SRBD1: variants seen among roughly 807,000 people sequenced by gnomAD.
The protein encoded by SRBD1 is S1 RNA-binding domain-containing protein 1.
Under a neutral mutation model 115.3 loss-of-function variants are expected in SRBD1, and 88 were observed. The ratio of observed to expected loss-of-function variants is 0.76; its 90% confidence interval spans 0.64 to 0.91. SRBD1 has a LOEUF of 0.91. Ranked by LOEUF, SRBD1 falls within the 40% of genes least tolerant of loss-of-function variation. The pLI is 0.00. For missense variants in SRBD1, 1,385 were observed against 1,177.4 expected, an observed-to-expected ratio of 1.18 and a Z score of -2.58; for synonymous variants, 509 against 407.7, an observed-to-expected ratio of 1.25 and a Z score of -2.99.
chr2:45,564,387 C>G (rs931344308), intron 9 of SRBD1, among the ~76,000 whole-genome samples: 2 of 152,158 alleles, frequency 1.3e-5, no homozygotes, highest in Non-Finnish European at 2.9e-5. Flanking sequence ...TGTCCACTCT[C>G]ACAACATTGT....
chr2:45,482,974 G>T (rs1362189891), intron 15 of SRBD1, among the ~76,000 whole-genome samples: 1 of 151,966 alleles, frequency 6.6e-6, no homozygotes, highest in Non-Finnish European at 1.5e-5. Flanking sequence ...TTGCTGTGTT[G>T]TTTTTTAAAA....
intron 19 of SRBD1, among the ~76,000 whole-genome samples, chr2:45,395,487 G>A (rs1337455499): frequency 6.6e-6 from 1 of 152,152 alleles, no homozygotes; most frequent in Non-Finnish European, 1.5e-5. Flanking sequence ...TGTTTAACCT[G>A]GGTGCGTATT....
intron 5 of SRBD1, among the ~76,000 whole-genome samples, chr2:45,583,152 G>A (rs537250208): frequency 6.6e-6 from 1 of 151,588 alleles, no homozygotes; most frequent in African/African-American, 2.4e-5. Flanking sequence ...AAAAGTTAGA[G>A]ATGATAATAT....
At chr2:45,610,480 A>G (rs760112047) in intron 1 of SRBD1, among the ~76,000 whole-genome samples, 4 of 152,228 alleles carry the variant, frequency 2.6e-5, no homozygotes, top group Middle Eastern at 6.3e-3. Context: ...GAGGTGAAAC[A>G]GTTTACTCAA....
chr2:45,465,893 TCAA>T (rs2103787704), intron 16 of SRBD1, among the ~76,000 whole-genome samples: 1 of 152,322 alleles, frequency 6.6e-6, no homozygotes, highest in African/African-American at 2.4e-5. Context: ...TGATCCCACT[TCAA>T]CAAAAATTTG....
At chr2:45,536,981 T>C (rs1415877606) in intron 14 of SRBD1, among the ~76,000 whole-genome samples, 1 of 152,184 alleles carries the variant, frequency 6.6e-6, no homozygotes, top group Admixed American at 6.5e-5. Flanking sequence ...AAAACAAATA[T>C]TCATGAGACA....
intron 9 of SRBD1, among the ~76,000 whole-genome samples, chr2:45,563,304 A>T (rs1446752113): frequency 1.3e-5 from 2 of 152,214 alleles, no homozygotes; most frequent in African/African-American, 4.8e-5. Flanking sequence ...GTTGCAAATC[A>T]CAAAGCTAGC....
intron 7 of SRBD1, among the ~76,000 whole-genome samples, chr2:45,577,841 C>T (rs1405338833): frequency 1.3e-5 from 2 of 151,894 alleles, no homozygotes; most frequent in African/African-American, 4.8e-5. Flanking sequence ...AAAGCAGTAC[C>T]TAGCTTATAT....
chr2:45,413,074 C>T (rs1259259918), intron 19 of SRBD1, 40 bp downstream of exon 19: 2 of 1,572,410 alleles, frequency 1.3e-6, no homozygotes, highest in Non-Finnish European at 1.7e-6. Context: ...AAAGAACTCA[C>T]TCTGCATATG....
intron 14 of SRBD1, among the ~76,000 whole-genome samples, chr2:45,506,132 A>G (rs1022461976): frequency 6.6e-6 from 1 of 152,148 alleles, no homozygotes; most frequent in Non-Finnish European, 1.5e-5. Context: ...TTTAGGGAGG[A>G]GTATTTACTG....
chr2:45,537,203 A>C (rs1301925641), intron 14 of SRBD1, among the ~76,000 whole-genome samples: 1 of 152,202 alleles, frequency 6.6e-6, no homozygotes, highest in Non-Finnish European at 1.5e-5. Context: ...ACACAAATTC[A>C]TCACACTTTA....
intron 16 of SRBD1, among the ~76,000 whole-genome samples, chr2:45,451,377 G>A (rs1034032581): frequency 1.1e-4 from 17 of 151,922 alleles, no homozygotes; most frequent in African/African-American, 4.1e-4. Context: ...GAATACCAAA[G>A]GTAATAAAAA....
chr2:45,544,591 TACC>T (rs1558467466), intron 14 of SRBD1, among the ~76,000 whole-genome samples: 1 of 152,236 alleles, frequency 6.6e-6, no homozygotes, highest in African/African-American at 2.4e-5. Context: ...CATCTCATGA[TACC>T]ACAATACATA....
At chr2:45,427,570 A>T (rs1668193516) in intron 16 of SRBD1, among the ~76,000 whole-genome samples, 5 of 152,230 alleles carry the variant, frequency 3.3e-5, no homozygotes, top group Admixed American at 3.3e-4. Context: ...CAACAAGAAG[A>T]GCTAACTATC....
chr2:45,557,604 C>T (rs541841403), intron 10 of SRBD1, among the ~76,000 whole-genome samples: 1 of 152,328 alleles, frequency 6.6e-6, no homozygotes, highest in South Asian at 2.1e-4. Context: ...AGAACAGCTA[C>T]ATTCATTTCC....
chr2:45,422,267 A>T (rs1210193029), intron 16 of SRBD1, among the ~76,000 whole-genome samples: 1 of 152,172 alleles, frequency 6.6e-6, no homozygotes, highest in African/African-American at 2.4e-5. Flanking sequence ...TTGGTTGCCT[A>T]TCCTAACCTC....
At chr2:45,412,895 A>T (rs1667644721) in intron 19 of SRBD1, among the ~76,000 whole-genome samples, 1 of 152,198 alleles carries the variant, frequency 6.6e-6, no homozygotes, top group Non-Finnish European at 1.5e-5. Context: ...CACCATTAGT[A>T]TCAGGGTTTA....
intron 5 of SRBD1, among the ~76,000 whole-genome samples, chr2:45,583,968 C>T (rs1004560827): frequency 7.2e-5 from 11 of 152,134 alleles, no homozygotes; most frequent in African/African-American, 1.9e-4. Flanking sequence ...ATTTGTCTCC[C>T]ATACAACCAA....
intron 16 of SRBD1, among the ~76,000 whole-genome samples, chr2:45,437,532 T>C (rs1668536349): frequency 6.6e-6 from 1 of 152,284 alleles, no homozygotes; most frequent in East Asian, 1.9e-4. Context: ...ATAATGAATG[T>C]AGACACAGAT....
Sources: allele counts gnomAD v4.1 joint callset (sites outside exome capture counted in the v4.1 genomes callset), GRCh38; gene constraint gnomAD v4.1.1; transcripts MANE v1.5; gene names NCBI Gene and HGNC (gene_info 2026-07-23, HGNC 2026-07-21).